BCAS3: variants seen among roughly 807,000 people sequenced by gnomAD.
BCAS3 encodes the protein BCAS3 microtubule associated cell migration factor.
BCAS3 carries 53 observed loss-of-function variants against 116.1 expected under a neutral mutation model. The observed-to-expected ratio is 0.46, with a 90% CI of 0.37 to 0.57. The LOEUF (loss-of-function observed/expected upper bound fraction) is 0.57, where lower values mean the gene tolerates loss of function less well. Ranked by LOEUF, BCAS3 falls within the 20% of genes least tolerant of loss-of-function variation. The pLI, the probability that BCAS3 is intolerant of heterozygous loss-of-function variation, is 0.00. For missense variants in BCAS3, 917 were observed against 1,165.4 expected, an observed-to-expected ratio of 0.79 and a Z score of 3.10; for synonymous variants, 391 against 408.2, an observed-to-expected ratio of 0.96 and a Z score of 0.51.
At chr17:60,985,784 T>C (rs2063106814) in intron 14 of BCAS3, among the ~76,000 whole-genome samples, 1 of 152,196 alleles carries the variant, frequency 6.6e-6, no homozygotes, top group Admixed American at 6.5e-5. Context: ...TCGCCCAGCC[T>C]GGAGTTCAGT....
rs981893072 is a variant in BCAS3, at chr17:61,387,573, A to G, written c.2594-4404A>G. On this transcript the variant is annotated intron_variant, in intron 23 of 23. Coordinates refer to ENST00000407086, the MANE Select transcript of BCAS3 (RefSeq NM_017679.5). This position sits in a 1 kb window ranked among gnomAD's most constrained non-coding sequence, Gnocchi z 6.2. ...CGGAGGCACCTTTCCTTCAGTTGCT[A>G]CTCATTCATCATCCCCCTACCCCTG... Among the ~76,000 whole-genome samples the G allele has an allele frequency of 1.3e-5, 2 of 151,744 alleles. No individual in the cohort carries two copies. Among genetic ancestry groups the G allele is most frequent in the African/African-American group, 4.8e-5 (2 of 41,262 alleles).
At chr17:61,291,747 A>G (rs2052432020) in intron 22 of BCAS3, among the ~76,000 whole-genome samples, 1 of 152,182 alleles carries the variant, frequency 6.6e-6, no homozygotes, top group African/African-American at 2.4e-5. Context: ...CAGCTCTTAA[A>G]ATAGCTGGAA....
intron 14 of BCAS3, among the ~76,000 whole-genome samples, chr17:60,988,608 A>T (rs1032810686): frequency 4.0e-5 from 6 of 151,768 alleles, no homozygotes; most frequent in Non-Finnish European, 8.8e-5. Flanking sequence ...GGATATTTTC[A>T]TGATTCAATC....
At chr17:61,266,531 T>C (rs2049730900) in intron 22 of BCAS3, among the ~76,000 whole-genome samples, 2 of 152,210 alleles carry the variant, frequency 1.3e-5, no homozygotes, top group Admixed American at 1.3e-4. Context: ...TAAGACTTGG[T>C]ATCTGAGAAG....
chr17:61,148,185 C>G (rs998691338), intron 22 of BCAS3, among the ~76,000 whole-genome samples: 2 of 152,140 alleles, frequency 1.3e-5, no homozygotes, highest in African/African-American at 2.4e-5. Context: ...CACACACACA[C>G]AGAAGTTTTT....
intron 7 of BCAS3, among the ~76,000 whole-genome samples, chr17:60,866,034 A>G (rs1254675781): frequency 6.6e-6 from 1 of 152,142 alleles, no homozygotes. Context: ...TTTTCTGTGA[A>G]TATGGTGAAT....
At chr17:60,885,918 G>A (rs2056598130) in intron 9 of BCAS3, among the ~76,000 whole-genome samples, 1 of 145,030 alleles carries the variant, frequency 6.9e-6, no homozygotes, top group Non-Finnish European at 1.5e-5. Context: ...TGACAATTAT[G>A]TGTCTTGGAG....
intron 4 of BCAS3, among the ~76,000 whole-genome samples, chr17:60,699,817 C>G (rs187791580): frequency 6.8e-6 from 1 of 147,570 alleles, no homozygotes; most frequent in Non-Finnish European, 1.5e-5. Flanking sequence ...GAGCCGAGAT[C>G]GAGCCACTGC....
chr17:60,996,779 C>T (rs1321421947), intron 15 of BCAS3, among the ~76,000 whole-genome samples: 1 of 152,062 alleles, frequency 6.6e-6, no homozygotes, highest in Non-Finnish European at 1.5e-5. Flanking sequence ...CCCTGGGGCC[C>T]TCTGACATTA....
chr17:60,970,105 T>A (rs2061874403), intron 14 of BCAS3, among the ~76,000 whole-genome samples: 1 of 152,202 alleles, frequency 6.6e-6, no homozygotes, highest in Non-Finnish European at 1.5e-5. Flanking sequence ...AATTTGTGTC[T>A]AATATATGGG....
At chr17:60,745,757 C>T (rs2144253209) in intron 5 of BCAS3, among the ~76,000 whole-genome samples, 1 of 152,202 alleles carries the variant, frequency 6.6e-6, no homozygotes. Flanking sequence ...TCCTAGCATT[C>T]TTCACATCTG....
intron 22 of BCAS3, among the ~76,000 whole-genome samples, chr17:61,110,349 G>A (rs940619548): frequency 6.6e-5 from 10 of 152,182 alleles, no homozygotes; most frequent in African/African-American, 2.2e-4. Flanking sequence ...ATCTCACTAG[G>A]GAGTGCCAGA....
chr17:60,860,985 C>G (rs1253160071), intron 7 of BCAS3, among the ~76,000 whole-genome samples: 2 of 151,988 alleles, frequency 1.3e-5, no homozygotes, highest in Non-Finnish European at 2.9e-5. Context: ...CTTTTTTGGT[C>G]TCATATGAAT....
chr17:61,344,312 C>T lies in BCAS3; in HGVS notation c.2426-24015C>T, dbSNP rs999789552. ...CCAGTTGCTTCTCTTTTGTCAGAGA[C>T]ATGGGCCTCTTCAACCAAGTCTCTG... On this transcript the variant is annotated intron_variant, in intron 22 of 23. Transcript: ENST00000407086. The surrounding 1 kb of genome is among the most constrained non-coding windows in gnomAD (Gnocchi z 4.1). Among the ~76,000 whole-genome samples, 2 of 152,266 alleles carry T rather than the reference C, an allele frequency of 1.3e-5. No individual in the cohort carries two copies. The highest frequency in any genetic ancestry group is 4.1e-4 in the South Asian group (2 of 4,826).
chr17:61,191,547 G>A (rs565727576), intron 22 of BCAS3, among the ~76,000 whole-genome samples: 19 of 152,162 alleles, frequency 1.2e-4, no homozygotes, highest in Middle Eastern at 6.8e-3. Flanking sequence ...AGTCCGAGGC[G>A]GGCGGATCAC....
chr17:61,242,984 T>C (rs1413987585), intron 22 of BCAS3, among the ~76,000 whole-genome samples: 1 of 152,060 alleles, frequency 6.6e-6, no homozygotes, highest in Non-Finnish European at 1.5e-5. Flanking sequence ...CGATCTCGGC[T>C]CACTGCAACC....
intron 14 of BCAS3, among the ~76,000 whole-genome samples, chr17:60,969,605 A>C (rs2061843881): frequency 6.6e-6 from 1 of 152,176 alleles, no homozygotes; most frequent in African/African-American, 2.4e-5. Context: ...GAGGAGAGTA[A>C]GGGAGGAAAA....
chr17:60,843,110 GTTAC>G (rs1191797639), intron 7 of BCAS3, among the ~76,000 whole-genome samples: 1 of 144,970 alleles, frequency 6.9e-6, no homozygotes, highest in African/African-American at 2.6e-5. Flanking sequence ...TTATTTTTTT[GTTAC>G]TTATTTTATA....
chr17:61,301,876 G>A (rs2053472750), intron 22 of BCAS3, among the ~76,000 whole-genome samples: 3 of 152,080 alleles, frequency 2.0e-5, no homozygotes, highest in Non-Finnish European at 4.4e-5. Context: ...GAGCCTTTCA[G>A]CACAAATAGA....
Sources: allele counts gnomAD v4.1 joint callset (sites outside exome capture counted in the v4.1 genomes callset), GRCh38; gene constraint gnomAD v4.1.1; non-coding constraint Gnocchi (gnomAD v3.1); transcripts MANE v1.5; gene names NCBI Gene and HGNC (gene_info 2026-07-23, HGNC 2026-07-21).